The following SMIM13 variants were observed in gnomAD, a reference collection of about 807,000 sequenced individuals.
SMIM13 encodes the protein small integral membrane protein 13.
Under a neutral mutation model 5.9 loss-of-function variants are expected in SMIM13, and 3 were observed. The ratio of observed to expected loss-of-function variants is 0.51; its 90% confidence interval spans 0.23 to 1.31. The LOEUF (loss-of-function observed/expected upper bound fraction) is 1.31, where lower values mean the gene tolerates loss of function less well. Ranked by LOEUF, SMIM13 falls within the 40% of genes most tolerant of loss-of-function variation. The probability of loss-of-function intolerance (pLI) is 0.18; values close to 1 mark genes in which losing one functional copy is unlikely to be tolerated. For synonymous variants in SMIM13, 55 were observed against 46.0 expected, an observed-to-expected ratio of 1.19 and a Z score of -0.79; for missense variants, 85 against 109.9, an observed-to-expected ratio of 0.77 and a Z score of 1.01.
rs1757890156 is a variant in SMIM13 at position 11,094,186 on chromosome 6, A to C, written c.-128A>C. 1 of 233,134 alleles carries C rather than the reference A, an allele frequency of 4.3e-6. No individual in the cohort carries two copies. Among genetic ancestry groups the C allele is most frequent in the Non-Finnish European group, 7.0e-6 (1 of 142,466 alleles). 14.4% of individuals were successfully genotyped at this position (233,134 alleles called of 1,614,324 possible). A position where few individuals can be genotyped will look rare whatever the true frequency, so the allele number is the denominator to read the frequency against. ...CTGGGGGCGCTGCCGAGGGGGCGCC[A>C]GCCGCCCATGCCGCCCCGGCGCCCA... On this transcript the variant is annotated 5_prime_UTR_variant, in exon 1 of 2. Coordinates refer to ENST00000416247, the MANE Select transcript of SMIM13 (RefSeq NM_001135575.2).
chr6:11,127,866 C>T (rs1047287509), intron 1 of SMIM13, among the ~76,000 whole-genome samples: 1 of 152,178 alleles, frequency 6.6e-6, no homozygotes, highest in Non-Finnish European at 1.5e-5. Flanking sequence ...CCATATCACT[C>T]AGTTAGCTTG....
At chr6:11,110,097 C>T (rs1190944143) in intron 1 of SMIM13, among the ~76,000 whole-genome samples, 5 of 152,262 alleles carry the variant, frequency 3.3e-5, no homozygotes, top group East Asian at 1.9e-4. Flanking sequence ...AGAACAGAGG[C>T]GAGAAGAGGG....
intron 1 of SMIM13, chr6:11,105,203 T>C (rs1392879620): frequency 6.2e-7 from 1 of 1,614,038 alleles, no homozygotes; most frequent in African/African-American, 1.3e-5. Flanking sequence ...AGTAAGGGGA[T>C]CCTGTACTTT....
intron 1 of SMIM13, among the ~76,000 whole-genome samples, chr6:11,126,351 G>T (rs1186701107): frequency 2.6e-5 from 4 of 152,136 alleles, no homozygotes; most frequent in Admixed American, 6.5e-5. Flanking sequence ...CCCAGCCCTG[G>T]CTGCGTATTT....
intron 1 of SMIM13, among the ~76,000 whole-genome samples, chr6:11,129,285 T>C (rs1207143855): frequency 6.6e-6 from 1 of 152,246 alleles, no homozygotes; most frequent in Non-Finnish European, 1.5e-5. Flanking sequence ...ATGTGATATT[T>C]GTCTTTCTGT....
At chr6:11,104,302 T>C (rs947031710) in intron 1 of SMIM13, 1 of 1,551,550 alleles carries the variant, frequency 6.4e-7, no homozygotes, top group African/African-American at 1.4e-5. Context: ...TAGATTGGTA[T>C]TGGAAGAGAG....
chr6:11,121,838 T>A (rs1758314039), intron 1 of SMIM13, among the ~76,000 whole-genome samples: 1 of 152,230 alleles, frequency 6.6e-6, no homozygotes, highest in Non-Finnish European at 1.5e-5. Context: ...GGTCATCATA[T>A]CCATGGTCCT....
rs1480800592 is a variant in SMIM13, at chr6:11,118,952, G to A, written c.77-15451G>A. Among the ~76,000 whole-genome samples, 4 of 152,132 alleles carry A rather than the reference G, an allele frequency of 2.6e-5. No homozygotes were observed. In the East Asian group the frequency reaches 5.8e-4, roughly 22 times the overall value. On this transcript the variant is annotated intron_variant, in intron 1 of 1. Transcript: ENST00000416247. ...AAGTCGGAAATAAGTTACTGAGTTAGGATTCATGGAAGAACATTGCAGTCT... is the reference window on the plus strand; with the variant it reads ...AAGTCGGAAATAAGTTACTGAGTTAAGATTCATGGAAGAACATTGCAGTCT...
chr6:11,116,978 G>GTTTTTTTTTTT (rs1561756849), intron 1 of SMIM13, among the ~76,000 whole-genome samples: 1 of 67,710 alleles, frequency 1.5e-5, no homozygotes. Context: ...AATGATAATT[G>GTTTTTTTTTTT]TTTCTTTTTT....
intron 1 of SMIM13, chr6:11,103,894 A>C: frequency 1.3e-6 from 2 of 1,551,688 alleles, no homozygotes; most frequent in Non-Finnish European, 1.7e-6. Context: ...GTTCCTTCCC[A>C]ATTTAACCAA....
chr6:11,133,462 A>G (rs1225461535), intron 1 of SMIM13, among the ~76,000 whole-genome samples: 1 of 152,234 alleles, frequency 6.6e-6, no homozygotes, highest in African/African-American at 2.4e-5. Context: ...TAACACGGCT[A>G]GAAAAGCTGG....
chr6:11,114,700 G>A (rs1002027387), intron 1 of SMIM13, among the ~76,000 whole-genome samples: 1 of 139,570 alleles, frequency 7.2e-6, no homozygotes, highest in Non-Finnish European at 1.5e-5. Flanking sequence ...CCAGGCTTAA[G>A]TGATTCTCGT....
intron 1 of SMIM13, among the ~76,000 whole-genome samples, chr6:11,114,879 C>A (rs1203694503): frequency 2.0e-5 from 3 of 151,998 alleles, no homozygotes; most frequent in African/African-American, 4.8e-5. Flanking sequence ...GCATTATAGG[C>A]ATGAGCCACC....
At chr6:11,104,387 G>T (rs1309261943) in intron 1 of SMIM13, 1 of 1,551,560 alleles carries the variant, frequency 6.4e-7, no homozygotes, top group African/African-American at 1.4e-5. Flanking sequence ...TACTGGGGAG[G>T]CATTGGTGAA....
chr6:11,133,135 CCA>C (rs1387766227), intron 1 of SMIM13, among the ~76,000 whole-genome samples: 1 of 152,082 alleles, frequency 6.6e-6, no homozygotes, highest in African/African-American at 2.4e-5. Flanking sequence ...GGTGTTCTTT[CCA>C]CTAATTCGCT....
intron 1 of SMIM13, chr6:11,102,667 G>A (rs1003791834): frequency 2.0e-5 from 3 of 152,196 alleles, no homozygotes; most frequent in African/African-American, 7.2e-5. Context: ...AGGTTAGATG[G>A]TGGTTTCTAA....
chr6:11,103,709 T>G, intron 1 of SMIM13: 1 of 1,551,156 alleles, frequency 6.4e-7, no homozygotes, highest in African/African-American at 1.4e-5. Context: ...AGGGTGACTC[T>G]TGAATATTGC....
intron 1 of SMIM13, 40 bp downstream of exon 1, chr6:11,094,429 G>T: frequency 6.8e-7 from 1 of 1,479,688 alleles, no homozygotes; most frequent in Non-Finnish European, 9.1e-7. Context: ...TCCACACGCC[G>T]GGTCGCTGAT....
chr6:11,094,736 C>G (rs1757901026), intron 1 of SMIM13, among the ~76,000 whole-genome samples: 1 of 152,156 alleles, frequency 6.6e-6, no homozygotes, highest in Non-Finnish European at 1.5e-5. Context: ...TTGATTGGTC[C>G]TTTTTCATTT....
Sources: allele counts gnomAD v4.1 joint callset (sites outside exome capture counted in the v4.1 genomes callset), GRCh38; gene constraint gnomAD v4.1.1; transcripts MANE v1.5; gene names NCBI Gene and HGNC (gene_info 2026-07-23, HGNC 2026-07-21).